The following PVT1 variants were observed in gnomAD, a reference collection of about 807,000 sequenced individuals.
PVT1 encodes the protein CXCR4/PVT1 fusion.
intron 4 of PVT1, chr8:128,049,142 G>A (rs1813655259): frequency 1.9e-6 from 1 of 527,024 alleles, no homozygotes; most frequent in African/African-American, 1.9e-5. Flanking sequence ...TGGCCGCCAG[G>A]CCTCCATGTG....
intron 4 of PVT1, among the ~76,000 whole-genome samples, chr8:128,058,798 C>T (rs562752448): frequency 6.6e-6 from 1 of 152,258 alleles, no homozygotes; most frequent in South Asian, 2.1e-4. Flanking sequence ...TCTCCCTCCA[C>T]CCCCAGCATG....
At chr8:128,005,973 C>T (rs564534103) in intron 4 of PVT1, among the ~76,000 whole-genome samples, 33 of 151,942 alleles carry the variant, frequency 2.2e-4, no homozygotes, top group East Asian at 1.2e-3. Flanking sequence ...TGTGGTAGTG[C>T]GCGCCTGTAG....
intron 3 of PVT1, among the ~76,000 whole-genome samples, chr8:127,910,430 A>G (rs1265992577): frequency 6.6e-6 from 1 of 152,194 alleles, no homozygotes; most frequent in Non-Finnish European, 1.5e-5. Flanking sequence ...TTTGCAGGGA[A>G]TGTGAAATCC....
At chr8:127,844,525 A>G (rs1428855137) in intron 2 of PVT1, among the ~76,000 whole-genome samples, 1 of 152,110 alleles carries the variant, frequency 6.6e-6, no homozygotes, top group Non-Finnish European at 1.5e-5. Flanking sequence ...CTTCCTAAAG[A>G]TGCAACTCAT....
chr8:128,092,386 C>T lies in PVT1; in HGVS notation n.1115-4132C>T, dbSNP rs912200996. Among the ~76,000 whole-genome samples, 6 of 152,288 alleles carry T rather than the reference C, an allele frequency of 3.9e-5. No individual in the cohort carries two copies. The East Asian group carries it at 1.2e-3, about 29-fold the overall frequency. ...CAGGCCTTCCTCTGACTGATCCAGC[C>T]CACCTCCCAGTGTCCATACTATTAG... is the stretch of plus-strand genomic sequence containing the variant. On this transcript the variant is annotated intron_variant and non_coding_transcript_variant, in intron 5 of 10. Coordinates refer to ENST00000651587, the Ensembl canonical transcript of PVT1.
At chr8:128,025,879 C>A (rs1027574102) in intron 4 of PVT1, among the ~76,000 whole-genome samples, 3 of 152,114 alleles carry the variant, frequency 2.0e-5, no homozygotes, top group Admixed American at 6.5e-5. Context: ...GTAGCTCCCC[C>A]AGTGGCTTAA....
At chr8:127,847,159 C>T (rs1035880666) in intron 2 of PVT1, among the ~76,000 whole-genome samples, 2 of 151,824 alleles carry the variant, frequency 1.3e-5, no homozygotes, top group Non-Finnish European at 2.9e-5. Context: ...CCCACCACCA[C>T]ACCTGGCTAA....
chr8:127,962,260 C>G (rs996811840), intron 3 of PVT1, among the ~76,000 whole-genome samples: 1 of 152,132 alleles, frequency 6.6e-6, no homozygotes, highest in Non-Finnish European at 1.5e-5. Flanking sequence ...CCACCGCTCC[C>G]GGCCATGAAT....
intron 3 of PVT1, among the ~76,000 whole-genome samples, chr8:127,980,570 C>T (rs1426901795): frequency 1.3e-5 from 2 of 152,044 alleles, no homozygotes; most frequent in South Asian, 2.1e-4. Flanking sequence ...CTGTTGCAGC[C>T]CACCTCTGGG....
intron 4 of PVT1, among the ~76,000 whole-genome samples, chr8:127,995,343 G>A (rs2130005964): frequency 6.6e-6 from 1 of 152,250 alleles, no homozygotes; most frequent in South Asian, 2.1e-4. Flanking sequence ...CATCAGTTAG[G>A]TATTTATTGA....
intron 2 of PVT1, among the ~76,000 whole-genome samples, chr8:127,841,875 G>A (rs539422264): frequency 9.2e-4 from 139 of 151,796 alleles, no homozygotes; most frequent in Non-Finnish European, 1.5e-3. Flanking sequence ...ACAGGTGTGC[G>A]CCACTACCCC....
intron 2 of PVT1, among the ~76,000 whole-genome samples, chr8:127,807,812 G>A (rs1024877412): frequency 5.3e-5 from 8 of 151,926 alleles, no homozygotes; most frequent in Non-Finnish European, 1.2e-4. Context: ...TGTCACCCAG[G>A]CTGGGAGTGC....
chr8:127,858,805 CTTTTTTTTTT>C (rs35886687), intron 2 of PVT1, among the ~76,000 whole-genome samples: 15 of 47,324 alleles, frequency 3.2e-4, no homozygotes, highest in Admixed American at 1.1e-3. Flanking sequence ...CTTGAAGATT[CTTTTTTTTTT>C]TTTTTTTTTT....
rs1326099812 is a variant in PVT1 at position 127,984,991 on chromosome 8, CTCTTTCCT to C, written n.783-4168_783-4161del. 3.3e-3 allele frequency among the ~76,000 whole-genome samples: 218 copies of C among 65,836 alleles called. 23 individuals are homozygous for C. The highest frequency in any genetic ancestry group is 7.3e-3 in the South Asian group (13 of 1,784). 43.2% of individuals were successfully genotyped at this position (65,836 alleles called of 152,430 possible). On this transcript the variant is annotated intron_variant and non_coding_transcript_variant, in intron 3 of 10. Transcript: ENST00000651587. ...CCCTCCTTCCTTCCTTTCTTTCTTT[CTCTTTCCT>C]TCCTTCCTTCCTTCCTTCCTTCCTT...
chr8:127,861,560 GT>G (rs11361006), intron 2 of PVT1, among the ~76,000 whole-genome samples: 57,437 of 149,136 alleles, frequency 0.39, 11,434 homozygotes, highest in Middle Eastern at 0.56. Flanking sequence ...TTTTTGACAT[GT>G]TTTTTTTTTT....
At position 127,909,210 on chromosome 8, in the gene PVT1, C is replaced by T. The variant is rs1416076657; in HGVS notation, n.782+18212C>T. On this transcript the variant is annotated intron_variant and non_coding_transcript_variant, in intron 3 of 10. Coordinates refer to ENST00000651587, the Ensembl canonical transcript of PVT1. Reference sequence around the variant, plus strand: ...TTAAAAATTAAAGGGAAATGGGTCACGCAGGCCGCGTTTTTGTCCTTGCCT... The same window carrying T: ...TTAAAAATTAAAGGGAAATGGGTCATGCAGGCCGCGTTTTTGTCCTTGCCT... Among the ~76,000 whole-genome samples, 4 of 152,344 alleles carry T rather than the reference C, an allele frequency of 2.6e-5. No homozygotes were observed. The East Asian group carries it at 5.8e-4, about 22-fold the overall frequency.
chr8:127,915,296 A>G (rs1166457524), intron 3 of PVT1, among the ~76,000 whole-genome samples: 2 of 152,028 alleles, frequency 1.3e-5, no homozygotes, highest in Non-Finnish European at 2.9e-5. Flanking sequence ...TTATGACATC[A>G]CAGATCCCAT....
chr8:127,968,171 G>C (rs1185641647), intron 3 of PVT1, among the ~76,000 whole-genome samples: 1 of 152,184 alleles, frequency 6.6e-6, no homozygotes, highest in Non-Finnish European at 1.5e-5. Flanking sequence ...AGAACTGATT[G>C]GGAGAACCTG....
In PVT1 at chr8:127,900,200, C is replaced by T. The variant is rs547582505; in HGVS notation, n.782+9202C>T. Among the ~76,000 whole-genome samples the T allele has an allele frequency of 1.6e-3, 246 of 152,106 alleles. 1 individual carries two copies. The highest frequency in any genetic ancestry group is 5.6e-3 in the African/African-American group (234 of 41,488). On this transcript the variant is annotated intron_variant and non_coding_transcript_variant, in intron 3 of 10. Coordinates refer to ENST00000651587, the Ensembl canonical transcript of PVT1. ...GGGACTGCAGGCGCGTACCACCACA[C>T]CTGGCTAATTTTTTATATATTTAGT...
Sources: gnomAD v4.1 joint callset for allele counts (sites outside exome capture counted in the v4.1 genomes callset) on GRCh38, gnomAD v4.1.1 for gene constraint, MANE v1.5 for transcripts, NCBI Gene and HGNC (gene_info 2026-07-23, HGNC 2026-07-21) for gene names.